HTR1F: variants seen among roughly 807,000 people sequenced by gnomAD.
The protein encoded by HTR1F is 5-hydroxytryptamine receptor 1F.
A neutral mutation model predicts 24.0 loss-of-function variants in HTR1F; 17 were observed. The observed-to-expected ratio is 0.71, with a 90% CI of 0.48 to 1.06. The LOEUF is 1.06. Among genes scored for constraint, HTR1F ranks in the 50% least tolerant of loss-of-function variants. The pLI is 0.00. For synonymous variants in HTR1F, 186 were observed against 156.8 expected (o/e 1.19, Z -1.39); for missense variants, 391 against 427.8 (o/e 0.91, Z 0.76).
intron 2 of HTR1F, among the ~76,000 whole-genome samples, chr3:87,898,217 T>C (rs1397498464): frequency 6.6e-6 from 1 of 152,090 alleles, no homozygotes; most frequent in African/African-American, 2.4e-5. Context: ...CTGAGTAAGA[T>C]TACTACAGAT....
intron 2 of HTR1F, among the ~76,000 whole-genome samples, chr3:87,904,578 A>T (rs1190768270): frequency 6.6e-6 from 1 of 152,066 alleles, no homozygotes; most frequent in East Asian, 1.9e-4. Context: ...AACAATATGA[A>T]ACTCACAACC....
intron 2 of HTR1F, among the ~76,000 whole-genome samples, chr3:87,921,081 T>C (rs1010040171): frequency 1.3e-5 from 2 of 151,958 alleles, no homozygotes; most frequent in African/African-American, 4.8e-5. Context: ...ACTGGAGAAA[T>C]TAGCTTATCT....
chr3:87,920,445 C>A (rs1387747049), intron 2 of HTR1F, among the ~76,000 whole-genome samples: 3 of 151,692 alleles, frequency 2.0e-5, no homozygotes, highest in Non-Finnish European at 4.4e-5. Context: ...ACTGCAAGAC[C>A]CTGGAGAAAA....
chr3:87,818,372 C>T (rs1447112223), intron 1 of HTR1F, among the ~76,000 whole-genome samples: 1 of 152,116 alleles, frequency 6.6e-6, no homozygotes, highest in Non-Finnish European at 1.5e-5. Flanking sequence ...TGCGTATTTC[C>T]TATGTCAATT....
Position 87,979,795 on chromosome 3 carries a change from C to T in HTR1F, c.-42-10913C>T, listed in dbSNP as rs191319742. Among the ~76,000 whole-genome samples, 67 of 152,330 alleles carry T rather than the reference C, an allele frequency of 4.4e-4. 1 individual carries two copies. In the Middle Eastern group the frequency reaches 0.014, roughly 31 times the overall value. ...GATCCAGTTACTGCACATAGCCAGG[C>T]GCGCTGGCTGCTGTGGCAGGTCAGG... On this transcript the variant is annotated intron_variant, in intron 2 of 2. Transcript: ENST00000319595.
chr3:87,938,737 T>C (rs1704488992), intron 2 of HTR1F, among the ~76,000 whole-genome samples: 1 of 152,172 alleles, frequency 6.6e-6, no homozygotes, highest in Non-Finnish European at 1.5e-5. Flanking sequence ...GCTAGCCATA[T>C]GCGGAAGATT....
intron 2 of HTR1F, among the ~76,000 whole-genome samples, chr3:87,965,586 A>G (rs1481915639): frequency 1.3e-5 from 2 of 152,162 alleles, no homozygotes; most frequent in African/African-American, 4.8e-5. Flanking sequence ...TCTTAAAAAT[A>G]AAGTCAATAG....
At chr3:87,858,044 T>C (rs1219672480) in intron 2 of HTR1F, among the ~76,000 whole-genome samples, 2 of 152,132 alleles carry the variant, frequency 1.3e-5, no homozygotes, top group African/African-American at 4.8e-5. Context: ...TTGGTAAGGA[T>C]TGCAACAGTA....
intron 2 of HTR1F, among the ~76,000 whole-genome samples, chr3:87,984,812 A>G (rs1481256476): frequency 6.6e-6 from 1 of 152,162 alleles, no homozygotes; most frequent in Non-Finnish European, 1.5e-5. Context: ...AACACTCACT[A>G]AAAAAGTTCT....
intron 2 of HTR1F, among the ~76,000 whole-genome samples, chr3:87,833,370 A>G (rs1199953846): frequency 6.6e-6 from 1 of 152,152 alleles, no homozygotes; most frequent in Non-Finnish European, 1.5e-5. Context: ...AAAATAACTT[A>G]ATCTACTTGT....
At chr3:87,797,439 T>A (rs1575880354) in intron 1 of HTR1F, among the ~76,000 whole-genome samples, 2 of 152,248 alleles carry the variant, frequency 1.3e-5, no homozygotes, top group African/African-American at 4.8e-5. Flanking sequence ...ATGTTTGAAA[T>A]GCTATCATTT....
intron 2 of HTR1F, among the ~76,000 whole-genome samples, chr3:87,931,022 TTTCC>T (rs1255012271): frequency 1.4e-5 from 1 of 71,676 alleles, no homozygotes; most frequent in Non-Finnish European, 2.9e-5. Context: ...TGCCATAGTC[TTTCC>T]TTTTTTTTTT....
At chr3:87,853,540 T>G (rs1705134207) in intron 2 of HTR1F, among the ~76,000 whole-genome samples, 1 of 152,164 alleles carries the variant, frequency 6.6e-6, no homozygotes, top group Non-Finnish European at 1.5e-5. Flanking sequence ...TTTGCCTGCA[T>G]GTGTCTTCAT....
intron 2 of HTR1F, among the ~76,000 whole-genome samples, chr3:87,968,753 T>C (rs574946721): frequency 1.4e-4 from 21 of 152,150 alleles, no homozygotes; most frequent in Non-Finnish European, 2.8e-4. Context: ...GAGCCAAATA[T>C]TACTCTCCAA....
At chr3:87,966,584 ATATAT>A (rs1705167146) in intron 2 of HTR1F, among the ~76,000 whole-genome samples, 1 of 152,220 alleles carries the variant, frequency 6.6e-6, no homozygotes, top group South Asian at 2.1e-4. Flanking sequence ...GCAGAAAATG[ATATAT>A]TAGTTAAATT....
chr3:87,974,520 C>A (rs1705351948), intron 2 of HTR1F, among the ~76,000 whole-genome samples: 1 of 150,464 alleles, frequency 6.6e-6, no homozygotes, highest in South Asian at 2.1e-4. Flanking sequence ...GCTTGTATCT[C>A]TACTAGTATA....
At chr3:87,836,742 T>C (rs2130353) in intron 2 of HTR1F, among the ~76,000 whole-genome samples, 36,166 of 151,900 alleles carry the variant, frequency 0.24, 6,605 homozygotes, top group African/African-American at 0.52. Flanking sequence ...ATGTATCAAC[T>C]CTCTCCTACA....
chr3:87,911,561 A>G (rs542673688), intron 2 of HTR1F, among the ~76,000 whole-genome samples: 106 of 152,046 alleles, frequency 7.0e-4, no homozygotes, highest in African/African-American at 2.4e-3. Context: ...ACTATTTCAG[A>G]AAATTGAGAA....
intron 2 of HTR1F, among the ~76,000 whole-genome samples, chr3:87,855,445 CA>C: frequency 6.6e-6 from 1 of 152,080 alleles, no homozygotes; most frequent in East Asian, 1.9e-4. Flanking sequence ...TTCTCCAAAA[CA>C]GAGGGTGAAA....
Sources: gnomAD v4.1 joint callset for allele counts (sites outside exome capture counted in the v4.1 genomes callset) on GRCh38, gnomAD v4.1.1 for gene constraint, MANE v1.5 for transcripts, NCBI Gene and HGNC (gene_info 2026-07-23, HGNC 2026-07-21) for gene names.